The following SLCO5A1 variants were observed in gnomAD, a reference collection of about 807,000 sequenced individuals.
The protein encoded by SLCO5A1 is solute carrier organic anion transporter family member 5A1.
Under a neutral mutation model 65.1 loss-of-function variants are expected in SLCO5A1, and 39 were observed. The ratio of observed to expected loss-of-function variants is 0.60; its 90% CI spans 0.46 to 0.78. The LOEUF (loss-of-function observed/expected upper bound fraction) is 0.78. Ranked by LOEUF, SLCO5A1 falls within the 30% of genes least tolerant of loss-of-function variation. SLCO5A1 has a pLI of 0.00. For synonymous variants in SLCO5A1, 438 were observed against 415.7 expected (o/e 1.05, Z -0.65); for missense variants, 1,029 against 1,069.4 (o/e 0.96, Z 0.53).
chr8:69,671,668 C>T lies in SLCO5A1; in HGVS notation c.*1201G>A, dbSNP rs1813332853. ...CCAGAAACTTACAGTAAGGGGGAATCAAAGGGTAGTGTAAAACGATTCTAT... is the reference window on the plus strand; with the variant it reads ...CCAGAAACTTACAGTAAGGGGGAATTAAAGGGTAGTGTAAAACGATTCTAT... On this transcript the variant is annotated 3_prime_UTR_variant, in exon 10 of 10. Coordinates refer to ENST00000260126, the MANE Select transcript of SLCO5A1 (RefSeq NM_030958.3). 6.6e-6 allele frequency: 1 copy of T among 152,152 alleles called. No homozygotes were observed. Among genetic ancestry groups the T allele is most frequent in the South Asian group, 2.1e-4 (1 of 4,828 alleles). 9.4% of individuals were successfully genotyped at this position (152,152 alleles called of 1,614,324 possible). A position where few individuals can be genotyped will look rare whatever the true frequency, so the allele number is the denominator to read the frequency against.
intron 5 of SLCO5A1, 66 bp downstream of exon 5, chr8:69,737,974 T>C (rs1816629395): frequency 6.5e-7 from 1 of 1,544,754 alleles, no homozygotes; most frequent in Non-Finnish European, 8.8e-7. Context: ...GAACTTTCTC[T>C]TTACCCATTC....
intron 2 of SLCO5A1, among the ~76,000 whole-genome samples, chr8:69,807,633 A>C (rs1396278236): frequency 6.6e-6 from 1 of 152,124 alleles, no homozygotes; most frequent in Non-Finnish European, 1.5e-5. Context: ...TACCTGGCTT[A>C]TTTCACTTAA....
At chr8:69,694,413 C>G (rs1814408125) in intron 6 of SLCO5A1, among the ~76,000 whole-genome samples, 1 of 152,224 alleles carries the variant, frequency 6.6e-6, no homozygotes, top group East Asian at 1.9e-4. Flanking sequence ...AGACTCCTCT[C>G]TTCACTGCCA....
chr8:69,694,943 G>T (rs533357004), intron 6 of SLCO5A1, among the ~76,000 whole-genome samples: 1 of 152,144 alleles, frequency 6.6e-6, no homozygotes, highest in Non-Finnish European at 1.5e-5. Flanking sequence ...GTAAATTTCC[G>T]TCGAGTTCAT....
chr8:69,767,070 C>T (rs1425075277), intron 2 of SLCO5A1, among the ~76,000 whole-genome samples: 1 of 152,154 alleles, frequency 6.6e-6, no homozygotes, highest in African/African-American at 2.4e-5. Flanking sequence ...GACTGTGTCC[C>T]AACAGATCTG....
chr8:69,679,267 T>C (rs933935916), intron 8 of SLCO5A1, 111 bp downstream of exon 8: 1 of 1,462,902 alleles, frequency 6.8e-7, no homozygotes. Flanking sequence ...CTCCTGCACA[T>C]GCTAATTTTG....
chr8:69,810,256 C>A (rs1820158881), intron 2 of SLCO5A1, among the ~76,000 whole-genome samples: 1 of 152,184 alleles, frequency 6.6e-6, no homozygotes, highest in Non-Finnish European at 1.5e-5. Flanking sequence ...AGTGCACTAG[C>A]ATCTGCAGGG....
At chr8:69,833,318 A>G (rs1183771627) in intron 1 of SLCO5A1, 149 bp from the exon 2 acceptor site, 1 of 152,346 alleles carries the variant, frequency 6.6e-6, no homozygotes, top group Non-Finnish European at 1.5e-5. Flanking sequence ...AGGACTAGGC[A>G]GCAGCCGGCT....
chr8:69,711,331 C>T lies in SLCO5A1; in HGVS notation c.1424-6102G>A, dbSNP rs535798581. On this transcript the variant is annotated intron_variant, in intron 5 of 9. Transcript: ENST00000260126. ...GCGCCTCTCACCACTGCGCACCTCACCTCTCTGCGCCTCTGCCCCGACCCT... is the reference window on the plus strand; with the variant it reads ...GCGCCTCTCACCACTGCGCACCTCATCTCTCTGCGCCTCTGCCCCGACCCT... 7.9e-5 allele frequency among the ~76,000 whole-genome samples: 12 copies of T among 152,284 alleles called. No homozygotes were observed. In the East Asian group the frequency reaches 1.5e-3, roughly 20 times the overall value.
chr8:69,710,358 G>A (rs1180067532), intron 5 of SLCO5A1, among the ~76,000 whole-genome samples: 1 of 152,036 alleles, frequency 6.6e-6, no homozygotes, highest in Middle Eastern at 3.2e-3. Context: ...TGAAGGCTCA[G>A]GGAAGTGGCC....
chr8:69,691,812 C>T (rs1260892236), intron 6 of SLCO5A1, among the ~76,000 whole-genome samples: 4 of 152,150 alleles, frequency 2.6e-5, no homozygotes, highest in Admixed American at 1.3e-4. Flanking sequence ...GTGGTCTAGC[C>T]TACTATACTC....
intron 5 of SLCO5A1, among the ~76,000 whole-genome samples, chr8:69,714,671 G>A (rs781729493): frequency 5.8e-4 from 88 of 152,256 alleles, no homozygotes; most frequent in Non-Finnish European, 1.0e-3. Context: ...AATTTCTAGC[G>A]TAGCCTTGCT....
At chr8:69,754,359 A>C (rs1817457266) in intron 4 of SLCO5A1, among the ~76,000 whole-genome samples, 1 of 152,208 alleles carries the variant, frequency 6.6e-6, no homozygotes, top group African/African-American at 2.4e-5. Context: ...AGTCTTTAAA[A>C]ATGGTCCAAT....
chr8:69,813,500 G>C (rs184019545), intron 2 of SLCO5A1, among the ~76,000 whole-genome samples: 225 of 152,334 alleles, frequency 1.5e-3, no homozygotes, highest in Non-Finnish European at 2.0e-3. Context: ...AGTTTAACGA[G>C]CAGTCATAAT....
At chr8:69,791,681 G>A (rs1819278128) in intron 2 of SLCO5A1, among the ~76,000 whole-genome samples, 1 of 152,178 alleles carries the variant, frequency 6.6e-6, no homozygotes, top group African/African-American at 2.4e-5. Context: ...CCCTCAAGAA[G>A]CCCAGAGTCC....
At chr8:69,733,776 G>A (rs1227982334) in intron 5 of SLCO5A1, among the ~76,000 whole-genome samples, 1 of 152,166 alleles carries the variant, frequency 6.6e-6, no homozygotes, top group East Asian at 1.9e-4. Context: ...CTGACTGTAA[G>A]TTTCCTGAGG....
In SLCO5A1 at chr8:69,669,565, A is replaced by C. The variant is rs1409234575; in HGVS notation, c.*3304T>G. On this transcript the variant is annotated 3_prime_UTR_variant, in exon 10 of 10. Transcript: ENST00000260126. ...CATGGTGGCTCATGCCTGTAATCCC[A>C]GCACTTTGAGAGGCCAAGGCAGGTG... is the stretch of plus-strand genomic sequence containing the variant. 2.0e-5 allele frequency: 3 copies of C among 152,208 alleles called. No homozygotes were observed. The highest frequency in any genetic ancestry group is 4.4e-5 in the Non-Finnish European group (3 of 68,044). The allele number at this position is 152,208 out of a possible 1,614,324, so 9.4% of individuals were successfully genotyped here.
intron 4 of SLCO5A1, among the ~76,000 whole-genome samples, chr8:69,754,004 CAAAA>C (rs71556780): frequency 1.6e-4 from 12 of 73,478 alleles, no homozygotes; most frequent in Admixed American, 3.4e-4. Context: ...TGACCTATCT[CAAAA>C]AAAAAAAAAA....
chr8:69,790,398 T>C (rs964191527), intron 2 of SLCO5A1, among the ~76,000 whole-genome samples: 2 of 152,002 alleles, frequency 1.3e-5, no homozygotes, highest in African/African-American at 4.8e-5. Context: ...TAATAATAAA[T>C]ACTTAAAAAG....
Sources: gnomAD v4.1 joint callset for allele counts (sites outside exome capture counted in the v4.1 genomes callset) on GRCh38, gnomAD v4.1.1 for gene constraint, MANE v1.5 for transcripts, NCBI Gene and HGNC (gene_info 2026-07-23, HGNC 2026-07-21) for gene names.